The following TRPA1 variants were observed in gnomAD, a reference collection of about 807,000 sequenced individuals.
TRPA1 encodes the protein transient receptor potential cation channel subfamily A member 1, also known as ankyrin-like with transmembrane domains 1.
A neutral mutation model predicts 131.3 loss-of-function variants in TRPA1; 129 were observed. That is an observed-to-expected ratio of 0.98 (90% CI 0.85 to 1.14). TRPA1 has a LOEUF of 1.14. Among genes scored for constraint, TRPA1 ranks in the 50% most tolerant of loss-of-function variants. TRPA1 has a pLI of 0.00. For synonymous variants in TRPA1, 441 were observed against 451.7 expected (o/e 0.98, Z 0.30); for missense variants, 1,304 against 1,354.2 (o/e 0.96, Z 0.58).
Position 72,055,849 on chromosome 8 carries a change from G to A in TRPA1, c.1201C>T (p.Gln401Ter). 1 of 1,609,984 alleles carries A rather than the reference G, an allele frequency of 6.2e-7. No homozygotes were observed. The highest frequency in any genetic ancestry group is 1.1e-5 in the South Asian group (1 of 90,852). ...NLRPEFMQMQ[Q>*]IKELVMDEDN... Reference sequence around the variant, plus strand: ...TCATCCATTACCAGCTCTTTGATCTGTTGCATCTATAGGAAAAAATTAATA... The same window carrying A: ...TCATCCATTACCAGCTCTTTGATCTATTGCATCTATAGGAAAAAATTAATA... The change falls in exon 11 of 27, where the codon CAG becomes TAG. Residue 401 changes from glutamine to a stop codon, truncating the protein, a stop_gained. Transcript: ENST00000262209. LOFTEE classifies it high-confidence loss of function.
chr8:72,035,130 T>C (rs1416971921), intron 21 of TRPA1, among the ~76,000 whole-genome samples: 1 of 152,168 alleles, frequency 6.6e-6, no homozygotes, highest in Non-Finnish European at 1.5e-5. Context: ...GGATAGATAA[T>C]GGGTGTGTCA....
At chr8:72,060,860 CT>C (rs34558929) in intron 7 of TRPA1, among the ~76,000 whole-genome samples, 44,299 of 141,660 alleles carry the variant, frequency 0.31, 6,860 homozygotes, top group Middle Eastern at 0.47. Context: ...GCTATAGTTT[CT>C]TTTTTTTTTT....
At chr8:72,073,368 C>T (rs1479159194) in intron 1 of TRPA1, among the ~76,000 whole-genome samples, 1 of 152,180 alleles carries the variant, frequency 6.6e-6, no homozygotes, top group Non-Finnish European at 1.5e-5. Flanking sequence ...TGTAAGTTTT[C>T]TGTGATCCTT....
chr8:72,082,412 C>T, the TRPA1 span, among the ~76,000 whole-genome samples: 1 of 152,152 alleles, frequency 6.6e-6, no homozygotes, highest in East Asian at 1.9e-4. Flanking sequence ...CAAACACACA[C>T]ACGGACTTTT....
chr8:72,036,028 A>AAAG (rs1187668579), intron 21 of TRPA1, among the ~76,000 whole-genome samples: 24 of 141,068 alleles, frequency 1.7e-4, no homozygotes, highest in South Asian at 6.9e-4. Context: ...AAAAAAAAAA[A>AAAG]AAGAAGAAGA....
chr8:72,078,843 C>G (rs1240751269), upstream of TRPA1, among the ~76,000 whole-genome samples: 1 of 151,944 alleles, frequency 6.6e-6, no homozygotes, highest in Non-Finnish European at 1.5e-5. Context: ...AATTACCTTC[C>G]AAAGTGGATG....
intron 24 of TRPA1, among the ~76,000 whole-genome samples, chr8:72,028,402 TC>T (rs1811681902): frequency 6.6e-6 from 1 of 152,250 alleles, no homozygotes; most frequent in Admixed American, 6.5e-5. Context: ...TTGGCCATTT[TC>T]CCTGGTTCTG....
intron 19 of TRPA1, among the ~76,000 whole-genome samples, chr8:72,038,377 A>T (rs1316415063): frequency 6.6e-6 from 1 of 152,070 alleles, no homozygotes; most frequent in Non-Finnish European, 1.5e-5. Context: ...CATATAACAA[A>T]ACTTACCATT....
In TRPA1 at chr8:72,075,437, C is replaced by G. The variant is rs1336228932; in HGVS notation, c.-28G>C. On this transcript the variant is annotated 5_prime_UTR_variant, in exon 1 of 27. Transcript: ENST00000262209. ...ACCCCACCCCGGACGCCACCTGGTG[C>G]AGCTGCTCACCACGCGCGCGGGCAC... The G allele has an allele frequency of 1.3e-6, 2 of 1,561,684 alleles. No homozygotes were observed. The highest frequency in any genetic ancestry group is 2.2e-5 in the South Asian group (2 of 90,164).
chr8:72,068,413 C>T (rs767723925), intron 3 of TRPA1, among the ~76,000 whole-genome samples: 3 of 152,130 alleles, frequency 2.0e-5, no homozygotes, highest in Non-Finnish European at 4.4e-5. Context: ...TCTATTTGAC[C>T]GAACTTACTC....
At position 72,022,203 on chromosome 8, in the gene TRPA1, A is replaced by G. The variant is rs550740465; in HGVS notation, c.*703T>C. 3 of 153,804 alleles carry G rather than the reference A, an allele frequency of 2.0e-5. No homozygotes were observed. The highest frequency in any genetic ancestry group is 4.3e-5 in the Non-Finnish European group (3 of 69,120). The allele number at this position is 153,804 out of a possible 1,614,324, so 9.5% of individuals were successfully genotyped here. ...CTCATACAATAATCACAGGGATACT[A>G]TATAGGTTTTACATTTATTATGCTC... On this transcript the variant is annotated 3_prime_UTR_variant, in exon 27 of 27. Coordinates refer to ENST00000262209, the MANE Select transcript of TRPA1 (RefSeq NM_007332.3).
chr8:72,064,256 A>G (rs1410022647), intron 4 of TRPA1, among the ~76,000 whole-genome samples: 1 of 96,882 alleles, frequency 1.0e-5, no homozygotes, highest in African/African-American at 4.3e-5. Flanking sequence ...CAGAAATTAT[A>G]TATATATAAT....
intron 17 of TRPA1, among the ~76,000 whole-genome samples, chr8:72,041,760 A>C (rs1488136022): frequency 6.6e-6 from 1 of 151,920 alleles, no homozygotes; most frequent in Non-Finnish European, 1.5e-5. Context: ...TTATAAAAGA[A>C]GAAAGATTTT....
Position 72,069,083 on chromosome 8 carries a change from G to A in TRPA1, c.384C>T (p.Asn128=), listed in dbSNP as rs28546865. The change falls in exon 3 of 27, where the codon AAC becomes AAT. Residue 128 remains asparagine, a synonymous_variant. Transcript: ENST00000262209. Reference sequence around the variant, plus strand: ...TGTGGAGAGGAGCCATCATGTTGAAGTTTCGGAGATTTGGGTTTGCTCCTC... The same window carrying A: ...TGTGGAGAGGAGCCATCATGTTGAAATTTCGGAGATTTGGGTTTGCTCCTC... The part of the protein sequence containing the change: ...LSRGANPNLR[N]FNMMAPLHIA... 203,681 of 1,613,846 alleles carry A rather than the reference G, an allele frequency of 0.13. 15,076 individuals carry two copies. Among genetic ancestry groups the A allele is most frequent in the East Asian group, 0.31 (13,851 of 44,878 alleles).
intron 4 of TRPA1, among the ~76,000 whole-genome samples, chr8:72,064,921 C>T (rs1805896208): frequency 6.6e-6 from 1 of 152,174 alleles, no homozygotes; most frequent in African/African-American, 2.4e-5. Context: ...TGGCTCTACT[C>T]TCAGGCATGT....
chr8:72,027,011 G>A, intron 24 of TRPA1, among the ~76,000 whole-genome samples: 1 of 151,900 alleles, frequency 6.6e-6, no homozygotes, highest in South Asian at 2.1e-4. Flanking sequence ...ATTAGTTCCA[G>A]CTTCAAGAAA....
intron 13 of TRPA1, 200 bp from the exon 14 acceptor site, chr8:72,052,965 CTGTGTGTGTG>C (rs57129422): frequency 1.2e-4 from 39 of 322,654 alleles, no homozygotes; most frequent in African/African-American, 3.3e-4. Context: ...GGAAGTGGAT[CTGTGTGTGTG>C]TGTGTGTGTG....
chr8:72,062,200 TG>T (rs1805825681), intron 6 of TRPA1: 2 of 195,012 alleles, frequency 1.0e-5, no homozygotes, highest in African/African-American at 4.7e-5. Context: ...TGAGTTTTTA[TG>T]AAGTTTCCAG....
the TRPA1 span, among the ~76,000 whole-genome samples, chr8:72,083,322 T>C: frequency 2.6e-5 from 4 of 152,326 alleles, no homozygotes; most frequent in East Asian, 1.9e-4. Context: ...GTTCCTTTTT[T>C]CCTCTTTCTG....
Sources: allele counts gnomAD v4.1 joint callset (sites outside exome capture counted in the v4.1 genomes callset), GRCh38; gene constraint gnomAD v4.1.1; transcripts MANE v1.5; gene names NCBI Gene and HGNC (gene_info 2026-07-23, HGNC 2026-07-21).